The following PARD3B variants were observed in gnomAD, a reference collection of about 807,000 sequenced individuals.
The protein encoded by PARD3B is par-3 family cell polarity regulator beta, also known as partitioning defective 3 homolog B.
Under a neutral mutation model 130.2 loss-of-function variants are expected in PARD3B, and 103 were observed. That is an observed-to-expected ratio of 0.79 (90% CI 0.67 to 0.93). The LOEUF (loss-of-function observed/expected upper bound fraction) is 0.93, where lower values mean the gene tolerates loss of function less well. Ranked by LOEUF, PARD3B falls within the 40% of genes least tolerant of loss-of-function variation. The pLI, the probability that PARD3B is intolerant of heterozygous loss-of-function variation, is 0.00. For synonymous variants in PARD3B, 583 were observed against 553.2 expected (o/e 1.05, Z -0.76); for missense variants, 1,609 against 1,499.2 (o/e 1.07, Z -1.21).
At position 205,158,883 on chromosome 2, in the gene PARD3B, C is replaced by T. The variant is rs774947920; in HGVS notation, c.1596C>T (p.Ile532=). 6.2e-7 allele frequency: 1 copy of T among 1,613,928 alleles called. No homozygotes were observed. The highest frequency in any genetic ancestry group is 1.7e-5 in the Admixed American group (1 of 60,000). The change falls in exon 11 of 23, where the codon ATC becomes ATT. Residue 532 remains isoleucine, a synonymous_variant. Coordinates refer to ENST00000406610, the MANE Select transcript of PARD3B (RefSeq NM_001302769.2). This position sits in a 1 kb window ranked among gnomAD's most constrained non-coding sequence, Gnocchi z 5.4. ...GTDLGIFIKS[I]IHGGAAFKDG... ...ACTTGGGGATTTTTATCAAATCCAT[C>T]ATTCATGGAGGCGCTGCTTTTAAGG...
rs147079022 is a variant in PARD3B at position 205,235,897 on chromosome 2, A to G, written c.2141-9881A>G. 6.4e-3 allele frequency among the ~76,000 whole-genome samples: 975 copies of G among 152,326 alleles called. 12 individuals are homozygous for G. Among genetic ancestry groups the G allele is most frequent in the African/African-American group, 0.022 (919 of 41,574 alleles). ...TTAGAGCAGAAATCAATGCGTTAGAAAAAATTTGGTAAAGTCATAGAAACC... is the reference window on the plus strand; with the variant it reads ...TTAGAGCAGAAATCAATGCGTTAGAGAAAATTTGGTAAAGTCATAGAAACC... On this transcript the variant is annotated intron_variant, in intron 15 of 22. Transcript: ENST00000406610.
At chr2:205,271,512 C>T (rs2040723244) in intron 16 of PARD3B, among the ~76,000 whole-genome samples, 1 of 152,190 alleles carries the variant, frequency 6.6e-6, no homozygotes, top group Admixed American at 6.5e-5. Context: ...TACACAAACA[C>T]ACTAGAATTT....
intron 18 of PARD3B, among the ~76,000 whole-genome samples, chr2:205,350,509 C>T (rs1332153698): frequency 6.6e-6 from 1 of 152,154 alleles, no homozygotes; most frequent in African/African-American, 2.4e-5. Context: ...AATTATAACT[C>T]TCCCCGCCAT....
At chr2:205,076,493 C>A (rs576607869) in intron 4 of PARD3B, among the ~76,000 whole-genome samples, 2 of 152,276 alleles carry the variant, frequency 1.3e-5, no homozygotes, top group East Asian at 3.9e-4. Flanking sequence ...AAAGTTTGTT[C>A]CACAGATTTC....
At chr2:204,998,093 C>A (rs1039182278) in intron 3 of PARD3B, among the ~76,000 whole-genome samples, 65 of 148,766 alleles carry the variant, frequency 4.4e-4, no homozygotes, top group Non-Finnish European at 1.5e-4. Flanking sequence ...GAGATCTTAA[C>A]ATAGTAAGGC....
At chr2:204,711,277 A>G (rs938652462) in intron 2 of PARD3B, among the ~76,000 whole-genome samples, 19 of 152,164 alleles carry the variant, frequency 1.2e-4, no homozygotes, top group African/African-American at 4.6e-4. Context: ...TTGTTTTACA[A>G]CAAACTTTAT....
intron 2 of PARD3B, among the ~76,000 whole-genome samples, chr2:204,942,122 A>G (rs1286756427): frequency 6.6e-6 from 1 of 152,188 alleles, no homozygotes; most frequent in East Asian, 1.9e-4. Flanking sequence ...CAACATGTAA[A>G]TCAGCCTTCT....
chr2:205,129,081 T>A (rs999118118), intron 10 of PARD3B, among the ~76,000 whole-genome samples: 1 of 152,234 alleles, frequency 6.6e-6, no homozygotes, highest in African/African-American at 2.4e-5. Context: ...TTGGAGGGTA[T>A]ATGCTTAGTA....
intron 15 of PARD3B, among the ~76,000 whole-genome samples, chr2:205,199,767 G>A (rs1045457779): frequency 1.3e-5 from 2 of 152,060 alleles, no homozygotes; most frequent in Non-Finnish European, 2.9e-5. Context: ...TGGCTGCCAG[G>A]CAATGGAAAA....
intron 2 of PARD3B, among the ~76,000 whole-genome samples, chr2:204,709,944 T>C (rs188981364): frequency 8.4e-4 from 128 of 152,370 alleles, no homozygotes; most frequent in Non-Finnish European, 1.3e-3. Flanking sequence ...TTGTCTATTT[T>C]TCACAGGCTA....
chr2:205,019,083 A>G (rs1696393215), intron 3 of PARD3B, among the ~76,000 whole-genome samples: 1 of 152,140 alleles, frequency 6.6e-6, no homozygotes, highest in Admixed American at 6.6e-5. Flanking sequence ...ATTTTAGAAC[A>G]TTTGAACGAT....
chr2:204,577,749 G>GTT lies in PARD3B; in HGVS notation c.120+31638_120+31639dup, dbSNP rs58398448. On this transcript the variant is annotated intron_variant, in intron 1 of 22. Transcript: ENST00000406610. ...CCACACCTGGCTAATTTTAAAAATTGTTTTTTTTTCTTTTCTTTATGTTTC... is the reference window on the plus strand; with the variant it reads ...CCACACCTGGCTAATTTTAAAAATTGTTTTTTTTTTTCTTTTCTTTATGTTTC... Among the ~76,000 whole-genome samples, 549 of 150,752 alleles carry GTT rather than the reference G, an allele frequency of 3.6e-3. 4 individuals carry two copies. The highest frequency in any genetic ancestry group is 0.012 in the African/African-American group (498 of 41,070).
At chr2:205,613,195 G>T (rs1280462733) in intron 22 of PARD3B, among the ~76,000 whole-genome samples, 3 of 152,218 alleles carry the variant, frequency 2.0e-5, no homozygotes, top group Admixed American at 6.5e-5. Context: ...AGGGCTGGTT[G>T]TATGTTCATT....
intron 20 of PARD3B, among the ~76,000 whole-genome samples, chr2:205,492,659 A>G (rs2049763729): frequency 6.6e-6 from 1 of 152,162 alleles, no homozygotes; most frequent in African/African-American, 2.4e-5. Context: ...TTTGAAAAAA[A>G]TAGAGATGCT....
intron 3 of PARD3B, among the ~76,000 whole-genome samples, chr2:205,035,926 CTATA>C (rs200017661): frequency 0.22 from 28,150 of 125,840 alleles, 3,246 homozygotes; most frequent in Middle Eastern, 0.32. Flanking sequence ...TCTGACTCCA[CTATA>C]TATATATATA....
At chr2:204,934,586 T>G (rs1367511890) in intron 2 of PARD3B, among the ~76,000 whole-genome samples, 1 of 152,114 alleles carries the variant, frequency 6.6e-6, no homozygotes, top group African/African-American at 2.4e-5. Flanking sequence ...ATAGCTAGGC[T>G]TTTAAGGCTC....
At position 205,179,823 on chromosome 2, in the gene PARD3B, A is replaced by G. The variant is rs148037175; in HGVS notation, c.1924+3246A>G. Reference sequence around the variant, plus strand: ...GCTAAACTAATGAAACCATAGAAGTAGTTAATGTGTAAGGATACATCCAGA... The same window carrying G: ...GCTAAACTAATGAAACCATAGAAGTGGTTAATGTGTAAGGATACATCCAGA... On this transcript the variant is annotated intron_variant, in intron 13 of 22. Transcript: ENST00000406610. Among the ~76,000 whole-genome samples the G allele has an allele frequency of 3.9e-3, 587 of 152,308 alleles. 1 individual carries two copies. The highest frequency in any genetic ancestry group is 0.013 in the African/African-American group (545 of 41,570).
intron 1 of PARD3B, among the ~76,000 whole-genome samples, chr2:204,620,941 G>A (rs16836406): frequency 0.051 from 7,819 of 152,222 alleles, 575 homozygotes; most frequent in African/African-American, 0.16. Flanking sequence ...GCAAGTTACA[G>A]ATACAGAACA....
Position 205,011,425 on chromosome 2 carries a change from G to C in PARD3B, c.395-36156G>C, listed in dbSNP as rs1226019825. Among the ~76,000 whole-genome samples, 2 of 152,104 alleles carry C rather than the reference G, an allele frequency of 1.3e-5. No individual in the cohort carries two copies. The highest frequency in any genetic ancestry group is 4.8e-5 in the African/African-American group (2 of 41,400). ...GGGACATGGCAGCTGCATCCCCTCAGAACAAGTGACTCGAGAGAGAAATTA... is the reference window on the plus strand; with the variant it reads ...GGGACATGGCAGCTGCATCCCCTCACAACAAGTGACTCGAGAGAGAAATTA... On this transcript the variant is annotated intron_variant, in intron 3 of 22. Coordinates refer to ENST00000406610, the MANE Select transcript of PARD3B (RefSeq NM_001302769.2). This position sits in a 1 kb window ranked among gnomAD's most constrained non-coding sequence, Gnocchi z 4.1.
Sources: allele counts gnomAD v4.1 joint callset (sites outside exome capture counted in the v4.1 genomes callset), GRCh38; gene constraint gnomAD v4.1.1; non-coding constraint Gnocchi (gnomAD v3.1); transcripts MANE v1.5; gene names NCBI Gene and HGNC (gene_info 2026-07-23, HGNC 2026-07-21).